BMP2K: variants seen among roughly 807,000 people sequenced by gnomAD.
BMP2K encodes the protein BMP-2-inducible protein kinase.
In BMP2K, 74 loss-of-function variants were observed where a neutral mutation model predicts 116.0. That is an observed-to-expected ratio of 0.64 (90% CI 0.53 to 0.77). BMP2K has a LOEUF of 0.77. Among genes scored for constraint, BMP2K ranks in the 30% least tolerant of loss-of-function variants. BMP2K has a pLI of 0.00. For synonymous variants in BMP2K, 486 were observed against 502.5 expected (o/e 0.97, Z 0.44); for missense variants, 1,365 against 1,403.6 (o/e 0.97, Z 0.44).
intron 15 of BMP2K, chr4:78,898,973 G>A (rs2110091282): frequency 6.6e-6 from 1 of 152,380 alleles, no homozygotes; most frequent in East Asian, 1.9e-4. Context: ...TCTGCACTAA[G>A]TTGGACCTCA....
chr4:78,808,086 G>A lies in BMP2K; in HGVS notation c.179-17951G>A, dbSNP rs146559482. Among the ~76,000 whole-genome samples the A allele has an allele frequency of 4.6e-3, 700 of 151,120 alleles. 2 individuals are homozygous for A. Among genetic ancestry groups the A allele is most frequent in the African/African-American group, 0.016 (650 of 41,158 alleles). On this transcript the variant is annotated intron_variant, in intron 1 of 15. Coordinates refer to ENST00000502613, the MANE Select transcript of BMP2K (RefSeq NM_198892.2). ...TATTTTTTTTTCGAGATGGAGTCTC[G>A]CTCTGTTGCCCAGGCTGGAGTGCAG...
chr4:78,896,880 C>G (rs1258488137), intron 15 of BMP2K, among the ~76,000 whole-genome samples: 1 of 152,080 alleles, frequency 6.6e-6, no homozygotes, highest in Non-Finnish European at 1.5e-5. Context: ...TGGCCAAGAG[C>G]ATGTACATTT....
intron 15 of BMP2K, among the ~76,000 whole-genome samples, chr4:78,908,529 C>T (rs772204251): frequency 4.6e-5 from 7 of 152,130 alleles, no homozygotes; most frequent in Non-Finnish European, 8.8e-5. Context: ...TGTTTTCTTC[C>T]GAGGTATGCC....
At position 78,849,092 on chromosome 4, in the gene BMP2K, A is replaced by G. The variant is rs181257727; in HGVS notation, c.750+1823A>G. Among the ~76,000 whole-genome samples, 727 of 151,666 alleles carry G rather than the reference A, an allele frequency of 4.8e-3. 5 individuals are homozygous for G. Among genetic ancestry groups the G allele is most frequent in the African/African-American group, 0.016 (672 of 41,496 alleles). On this transcript the variant is annotated intron_variant, in intron 6 of 15. Coordinates refer to ENST00000502613, the MANE Select transcript of BMP2K (RefSeq NM_198892.2). Reference sequence around the variant, plus strand: ...TTAGCACTTCATATTTTAGAAAATAATTATTTTAAAAAATAATTTTTTGCT... The same window carrying G: ...TTAGCACTTCATATTTTAGAAAATAGTTATTTTAAAAAATAATTTTTTGCT...
At chr4:78,793,945 A>G (rs893727964) in intron 1 of BMP2K, among the ~76,000 whole-genome samples, 3 of 152,180 alleles carry the variant, frequency 2.0e-5, no homozygotes, top group African/African-American at 4.8e-5. Flanking sequence ...GACATACTGG[A>G]CAGTGCTGAT....
intron 14 of BMP2K, among the ~76,000 whole-genome samples, chr4:78,883,613 A>C (rs984436922): frequency 6.6e-6 from 1 of 152,206 alleles, no homozygotes; most frequent in Non-Finnish European, 1.5e-5. Context: ...TAATGTGTAT[A>C]GTTTTGTCAT....
chr4:78,800,288 G>C (rs896579025), intron 1 of BMP2K, among the ~76,000 whole-genome samples: 5 of 152,254 alleles, frequency 3.3e-5, no homozygotes, highest in Middle Eastern at 3.4e-3. Flanking sequence ...ATTACAGAAG[G>C]CTGTGTTTAC....
At chr4:78,907,285 G>T (rs569569679) in intron 15 of BMP2K, among the ~76,000 whole-genome samples, 1 of 152,026 alleles carries the variant, frequency 6.6e-6, no homozygotes, top group African/African-American at 2.4e-5. Flanking sequence ...ATGGACAAAG[G>T]GCCAACAGAA....
At position 78,799,476 on chromosome 4, in the gene BMP2K, A is replaced by G. The variant is rs929592059; in HGVS notation, c.178+22755A>G. Reference sequence around the variant, plus strand: ...TTTTTCATAGTGGTTATAGGTATTTATAATCAGCATGAAAATATTAGAAAG... The same window carrying G: ...TTTTTCATAGTGGTTATAGGTATTTGTAATCAGCATGAAAATATTAGAAAG... On this transcript the variant is annotated intron_variant, in intron 1 of 15. Transcript: ENST00000502613. Among the ~76,000 whole-genome samples, 3 of 152,354 alleles carry G rather than the reference A, an allele frequency of 2.0e-5. No homozygotes were observed. In the East Asian group the frequency reaches 5.8e-4, roughly 29 times the overall value.
At chr4:78,801,575 C>T (rs1257797467) in intron 1 of BMP2K, among the ~76,000 whole-genome samples, 9 of 152,068 alleles carry the variant, frequency 5.9e-5, no homozygotes, top group Non-Finnish European at 1.2e-4. Context: ...TCTCTTCAAA[C>T]GGTGCTTTCT....
intron 7 of BMP2K, among the ~76,000 whole-genome samples, chr4:78,851,666 G>A (rs561440867): frequency 6.6e-6 from 1 of 151,776 alleles, no homozygotes; most frequent in Non-Finnish European, 1.5e-5. Context: ...GTATGATGAA[G>A]ATGGCAGTTC....
At chr4:78,883,045 T>G (rs927192912) in intron 14 of BMP2K, among the ~76,000 whole-genome samples, 2 of 152,132 alleles carry the variant, frequency 1.3e-5, no homozygotes, top group African/African-American at 4.8e-5. Context: ...CTATTTTAAT[T>G]TCGTGATAAT....
intron 7 of BMP2K, among the ~76,000 whole-genome samples, chr4:78,855,149 A>G (rs1416883879): frequency 6.6e-6 from 1 of 152,128 alleles, no homozygotes; most frequent in African/African-American, 2.4e-5. Context: ...CAGCTATTAA[A>G]TTTAGTTTCA....
At chr4:78,892,071 C>A (rs866001211) in intron 15 of BMP2K, among the ~76,000 whole-genome samples, 3 of 152,114 alleles carry the variant, frequency 2.0e-5, no homozygotes, top group African/African-American at 7.2e-5. Context: ...TCCTTGTAAT[C>A]TGTCAGGCTT....
chr4:78,799,716 C>T (rs3775518), intron 1 of BMP2K, among the ~76,000 whole-genome samples: 7,690 of 152,204 alleles, frequency 0.051, 310 homozygotes, highest in East Asian at 0.22. Context: ...ATCTTGCTTA[C>T]TCATGTGCTA....
chr4:78,852,225 ACTG>A (rs1440328709), intron 7 of BMP2K, among the ~76,000 whole-genome samples: 1 of 152,004 alleles, frequency 6.6e-6, no homozygotes, highest in African/African-American at 2.4e-5. Context: ...AAAAAATACT[ACTG>A]ATAATTTTAG....
intron 1 of BMP2K, among the ~76,000 whole-genome samples, chr4:78,792,715 A>G (rs1029714522): frequency 6.6e-6 from 1 of 152,144 alleles, no homozygotes; most frequent in African/African-American, 2.4e-5. Flanking sequence ...TATATTTTCC[A>G]AGCACATGAT....
At chr4:78,890,463 A>G (rs911517413) in intron 15 of BMP2K, among the ~76,000 whole-genome samples, 1 of 151,924 alleles carries the variant, frequency 6.6e-6, no homozygotes, top group African/African-American at 2.4e-5. Context: ...TTTTTGACAC[A>G]GTTTTTGGTT....
intron 14 of BMP2K, among the ~76,000 whole-genome samples, chr4:78,884,875 T>C (rs1438370651): frequency 6.6e-6 from 1 of 152,216 alleles, no homozygotes; most frequent in Non-Finnish European, 1.5e-5. Flanking sequence ...TATAAATTAT[T>C]CTTCAACCTT....
Sources: allele counts gnomAD v4.1 joint callset (sites outside exome capture counted in the v4.1 genomes callset), GRCh38; gene constraint gnomAD v4.1.1; transcripts MANE v1.5; gene names NCBI Gene and HGNC (gene_info 2026-07-23, HGNC 2026-07-21).